Variants in NBR1 observed in about 807,000 individuals in gnomAD.
NBR1 encodes the protein next to BRCA1 gene 1 protein.
Under a neutral mutation model 115.5 loss-of-function variants are expected in NBR1, and 59 were observed. That is an observed-to-expected ratio of 0.51 (90% CI 0.41 to 0.63). The LOEUF (loss-of-function observed/expected upper bound fraction) is 0.63. Ranked by LOEUF, NBR1 falls within the 30% of genes least tolerant of loss-of-function variation. The pLI, the probability that NBR1 is intolerant of heterozygous loss-of-function variation, is 0.00. For missense variants in NBR1, 1,043 were observed against 1,150.5 expected (o/e 0.91, Z 1.35); for synonymous variants, 373 against 414.7 (o/e 0.90, Z 1.22).
chr17:43,207,501 G>C (rs1012083539), intron 20 of NBR1, among the ~76,000 whole-genome samples: 1 of 152,158 alleles, frequency 6.6e-6, no homozygotes, highest in East Asian at 1.9e-4. Context: ...GGGACTACAG[G>C]TGGGCACCAC....
chr17:43,191,373 C>T lies in NBR1; in HGVS notation c.865C>T (p.Leu289Phe), dbSNP rs1328822221. 5.6e-6 allele frequency: 9 copies of T among 1,608,696 alleles called. No individual in the cohort carries two copies. The highest frequency in any genetic ancestry group is 2.2e-5 in the East Asian group (1 of 44,866). ...RLPAALEQVRLQKQVDKNFLK... is the reference protein window; with the variant it reads ...RLPAALEQVRFQKQVDKNFLK... ...AGACTTGCTTTTATTATCTCACAGGCTCCAGAAACAGGTTGATAAGAACTT... is the reference window on the plus strand; with the variant it reads ...AGACTTGCTTTTATTATCTCACAGGTTCCAGAAACAGGTTGATAAGAACTT... The change falls in exon 10 of 21, where the codon CTC (leucine) becomes TTC (phenylalanine). Residue 289 changes from leucine to phenylalanine, a missense_variant and splice_region_variant. Physicochemically the swap from Leu to Phe is conservative, Grantham distance 22 (BLOSUM62 0). Transcript: ENST00000590996.
chr17:43,176,249 G>A, intron 2 of NBR1: 1 of 185,302 alleles, frequency 5.4e-6, no homozygotes, highest in East Asian at 1.5e-4. Context: ...CTTGTGTGAG[G>A]ATATGACTTG....
intron 6 of NBR1, among the ~76,000 whole-genome samples, chr17:43,188,344 T>C (rs1423551808): frequency 6.6e-6 from 1 of 152,190 alleles, no homozygotes; most frequent in Non-Finnish European, 1.5e-5. Flanking sequence ...AAGTTCCTTA[T>C]AGATTCTGGA....
intron 17 of NBR1, among the ~76,000 whole-genome samples, chr17:43,201,451 A>G (rs34603377): frequency 0.94 from 142,888 of 152,306 alleles, 67,594 homozygotes; most frequent in East Asian, 1. Context: ...ACCACTTGAT[A>G]TAGGTGGGGA....
At chr17:43,176,186 T>G in intron 2 of NBR1, 1 of 294,880 alleles carries the variant, frequency 3.4e-6, no homozygotes, top group South Asian at 5.9e-5. Context: ...AGAACCAGTA[T>G]GAGGAGTGAA....
chr17:43,178,707 T>G (rs949628874), intron 3 of NBR1, among the ~76,000 whole-genome samples: 2 of 151,830 alleles, frequency 1.3e-5, no homozygotes, highest in Non-Finnish European at 2.9e-5. Flanking sequence ...ATAGTGACCT[T>G]AAGTTCACAT....
chr17:43,194,187 C>T (rs1372964242), intron 12 of NBR1, among the ~76,000 whole-genome samples, 163 bp from the exon 13 acceptor site: 3 of 152,172 alleles, frequency 2.0e-5, no homozygotes, highest in Non-Finnish European at 4.4e-5. Context: ...TGAATTCTCT[C>T]TGCTGTTTTT....
intron 20 of NBR1, among the ~76,000 whole-genome samples, chr17:43,204,278 C>G (rs1437771826): frequency 6.6e-6 from 1 of 151,984 alleles, no homozygotes; most frequent in East Asian, 1.9e-4. Context: ...AGCCAAGTTA[C>G]TTAAGGGAAG....
At chr17:43,184,872 C>T (rs1170051513) in intron 5 of NBR1, among the ~76,000 whole-genome samples, 2 of 151,122 alleles carry the variant, frequency 1.3e-5, no homozygotes, top group African/African-American at 4.9e-5. Context: ...CGGCAGATCA[C>T]GAGGTCAAGA....
chr17:43,171,156 C>A (rs1351396453), upstream of NBR1: 1 of 152,716 alleles, frequency 6.5e-6, no homozygotes, highest in East Asian at 1.9e-4. Flanking sequence ...GAGAGCCAAT[C>A]ATCTTGGCGA....
intron 4 of NBR1, 33 bp downstream of exon 4, chr17:43,179,445 T>C: frequency 6.3e-7 from 1 of 1,593,612 alleles, no homozygotes; most frequent in Non-Finnish European, 8.6e-7. Context: ...TCAGCCTTGT[T>C]TAAAAACCTT....
Position 43,184,372 on chromosome 17 carries a change from C to T in NBR1, c.208-1878C>T, listed in dbSNP as rs141886907. ...CCTCTCATCGCCCCAAAATACTATT[C>T]TTTTTTTTTTTGAGACAGAGTCTCA... On this transcript the variant is annotated intron_variant, in intron 5 of 20. Transcript: ENST00000590996. 9.2e-4 allele frequency among the ~76,000 whole-genome samples: 88 copies of T among 96,168 alleles called. 1 individual carries two copies. Among genetic ancestry groups the T allele is most frequent in the South Asian group, 1.7e-3 (4 of 2,350 alleles). 63.1% of individuals were successfully genotyped at this position (96,168 alleles called of 152,430 possible). A position where few individuals can be genotyped will look rare whatever the true frequency, so the allele number is the denominator to read the frequency against.
At chr17:43,177,443 C>T (rs2056545836) in intron 2 of NBR1, among the ~76,000 whole-genome samples, 1 of 151,640 alleles carries the variant, frequency 6.6e-6, no homozygotes, top group African/African-American at 2.4e-5. Flanking sequence ...TTAATAGATT[C>T]TGCCAAATGC....
At chr17:43,196,686 T>C in intron 15 of NBR1, 95 bp downstream of exon 15, 1 of 995,828 alleles carries the variant, frequency 1.0e-6, no homozygotes, top group Non-Finnish European at 1.5e-6. Context: ...CCTTAGCATG[T>C]AAATGGGCTT....
At position 43,193,160 on chromosome 17, in the gene NBR1, G is replaced by A; in HGVS notation, c.1140G>A (p.Leu380=). The change falls in exon 11 of 21, where the codon TTG becomes TTA. Residue 380 remains leucine, a synonymous_variant. Coordinates refer to ENST00000590996, the MANE Select transcript of NBR1 (RefSeq NM_005899.5). ...GTGCAGCATTTGTGGATGAGAATTT[G>A]CCTGATGGGACTCACCTTCAGCCAG... The part of the protein sequence containing the change: ...MLSAAFVDEN[L]PDGTHLQPGT... 2.5e-6 allele frequency: 4 copies of A among 1,613,944 alleles called. No individual in the cohort carries two copies. Among genetic ancestry groups the A allele is most frequent in the Non-Finnish European group, 2.5e-6 (3 of 1,179,882 alleles).
At chr17:43,204,813 T>TA (rs1214948352) in intron 20 of NBR1, among the ~76,000 whole-genome samples, 11,242 of 122,234 alleles carry the variant, frequency 0.092, 1,271 homozygotes, top group African/African-American at 0.27. Flanking sequence ...GACTCCATCT[T>TA]AAAAAAAAAA....
At position 43,210,265 on chromosome 17, in the gene NBR1, CT is replaced by C; in HGVS notation, c.*194del. 1 of 436,796 alleles carries C rather than the reference CT, an allele frequency of 2.3e-6. No individual in the cohort carries two copies. The highest frequency in any genetic ancestry group is 3.5e-5 in the East Asian group (1 of 28,220). 27.1% of individuals were successfully genotyped at this position (436,796 alleles called of 1,614,324 possible). A position where few individuals can be genotyped will look rare whatever the true frequency, so the allele number is the denominator to read the frequency against. ...CTAAAGACCAGAACTTAAATTTTCA[CT>C]TTAGACATTGGATGAATAGTATGAA... On this transcript the variant is annotated 3_prime_UTR_variant, in exon 21 of 21. Coordinates refer to ENST00000590996, the MANE Select transcript of NBR1 (RefSeq NM_005899.5).
chr17:43,196,210 G>T (rs997710587), intron 14 of NBR1: 4 of 294,638 alleles, frequency 1.4e-5, no homozygotes, highest in Non-Finnish European at 1.9e-5. Flanking sequence ...CTAGATACTT[G>T]TGTCCTTTTG....
intron 20 of NBR1, chr17:43,209,468 A>G: frequency 1.9e-6 from 2 of 1,075,660 alleles, no homozygotes. Flanking sequence ...TCCTCTGCAT[A>G]TCTGACAAAA....
Sources: allele counts gnomAD v4.1 joint callset (sites outside exome capture counted in the v4.1 genomes callset), GRCh38; gene constraint gnomAD v4.1.1; transcripts MANE v1.5; gene names NCBI Gene and HGNC (gene_info 2026-07-23, HGNC 2026-07-21).